The following SMARCC2 variants were observed in gnomAD, a reference collection of about 807,000 sequenced individuals.
The protein encoded by SMARCC2 is SWI/SNF related BAF chromatin remodeling complex subunit C2, also known as SWI/SNF complex subunit SMARCC2.
SMARCC2 carries 15 observed loss-of-function variants against 151.3 expected under a neutral mutation model. That is an observed-to-expected ratio of 0.10 (90% CI 0.07 to 0.15). The LOEUF is 0.15. Ranked by LOEUF, SMARCC2 falls within the 10% of genes least tolerant of loss-of-function variation. SMARCC2 has a pLI of 1.00. For missense variants in SMARCC2, 1,031 were observed against 1,599.7 expected (o/e 0.64, Z 6.06); for synonymous variants, 590 against 609.5 (o/e 0.97, Z 0.47).
Position 56,185,050 on chromosome 12 carries a change from T to C in SMARCC2, c.379A>G (p.Ile127Val), listed in dbSNP as rs758400218. Reference protein sequence around the residue: ...MDRNVEMFMTIEKSLVQNNCL... With the variant: ...MDRNVEMFMTVEKSLVQNNCL... ...ATTACCTGCACCAAGGACTTCTCAA[T>C]GGTCATAAACATTTCCACATTGCGG... Residue 127 changes from isoleucine to valine, a missense_variant, in exon 4 of 29, where the codon ATT becomes GTT. Physicochemically the swap from Ile to Val is conservative, Grantham distance 29 (BLOSUM62 3). Around this residue, in one of 12 missense-constraint regions of SMARCC2, gnomAD observed 16 missense variants for 56.0 expected, o/e 0.29. Transcript: ENST00000550164. The C allele has an allele frequency of 6.2e-6, 10 of 1,614,096 alleles. No homozygotes were observed. The highest frequency in any genetic ancestry group is 7.6e-6 in the Non-Finnish European group (9 of 1,179,966).
At chr12:56,174,852 C>T in intron 15 of SMARCC2, 88 bp from the exon 16 acceptor site, 1 of 825,794 alleles carries the variant, frequency 1.2e-6, no homozygotes, top group Non-Finnish European at 2.1e-6. Flanking sequence ...GAGCTAATGA[C>T]TTCTCCTGCA....
intron 23 of SMARCC2, 84 bp downstream of exon 23, chr12:56,170,060 G>T: frequency 6.9e-7 from 1 of 1,442,460 alleles, no homozygotes; most frequent in Non-Finnish European, 9.7e-7. Flanking sequence ...ACCAGCCCTT[G>T]CCCACCTAAG....
At chr12:56,180,398 C>T (rs542591725) in intron 11 of SMARCC2, among the ~76,000 whole-genome samples, 3 of 148,804 alleles carry the variant, frequency 2.0e-5, no homozygotes, top group African/African-American at 7.4e-5. Context: ...CATGAGCCAC[C>T]GTGCCCGGCC....
chr12:56,182,341 C>T (rs1179281338), intron 7 of SMARCC2, among the ~76,000 whole-genome samples: 2 of 148,586 alleles, frequency 1.3e-5, no homozygotes, highest in Admixed American at 6.7e-5. Flanking sequence ...TTTTTTGATA[C>T]AGAGTCTTGC....
In SMARCC2 at chr12:56,165,464, G is replaced by A; in HGVS notation, c.3086C>T (p.Ala1029Val). Residue 1029 changes from alanine (A) to valine (V), a missense_variant, in exon 27 of 29, where the codon GCT becomes GTT. Transcript: ENST00000550164. ...VAPASVVPAPAGSGAPPGSLG... is the reference protein window; with the variant it reads ...VAPASVVPAPVGSGAPPGSLG... The stretch of plus-strand genomic sequence containing the variant: ...ACTTCCTGGAGGGGCCCCACTGCCA[G>A]CAGGAGCAGGGACTACAGAGGCTGG... 2 of 1,541,668 alleles carry A rather than the reference G, an allele frequency of 1.3e-6. No individual in the cohort carries two copies. Among genetic ancestry groups the A allele is most frequent in the Non-Finnish European group, 1.7e-6 (2 of 1,144,762 alleles).
At position 56,169,661 on chromosome 12, in the gene SMARCC2, C is replaced by A; in HGVS notation, c.2583G>T (p.Gly861=). 2 of 1,614,170 alleles carry A rather than the reference C, an allele frequency of 1.2e-6. No homozygotes were observed. Among genetic ancestry groups the A allele is most frequent in the East Asian group, 2.2e-5 (1 of 44,880 alleles). The change falls in exon 25 of 29, where the codon GGG becomes GGT. Residue 861 remains glycine, a synonymous_variant. Transcript: ENST00000550164. ...DPEKEKEPKE[G]QEEVLKEVVE... is the part of the protein sequence containing the mutation. ...CCACTTCCTTCAGCACTTCCTCCTG[C>A]CCTTCCTTTGGCTCCTTCTCCTTCT...
At chr12:56,174,889 T>C (rs1041498397) in intron 15 of SMARCC2, 125 bp from the exon 16 acceptor site, 3 of 655,754 alleles carry the variant, frequency 4.6e-6, no homozygotes, top group South Asian at 1.8e-5. Context: ...AAGTAGATTA[T>C]TTGACTCTAC....
In SMARCC2 at chr12:56,178,844, T is replaced by C. The variant is rs1875547878; in HGVS notation, c.1145A>G (p.Glu382Gly). 16 of 1,614,136 alleles carry C rather than the reference T, an allele frequency of 9.9e-6. No individual in the cohort carries two copies. Among genetic ancestry groups the C allele is most frequent in the African/African-American group, 1.3e-5 (1 of 75,042 alleles). Residue 382 changes from glutamate to glycine, a missense_variant, in exon 13 of 29, where the codon GAA becomes GGA. Transcript: ENST00000550164. ...CGTCTCCATGCTTTCATCTTCCTGT[T>C]CATCTGAAAGAGAAAAACCAAGATG... is the stretch of plus-strand genomic sequence containing the variant. Reference protein sequence around the residue: ...VKGGTMTDLDEQEDESMETTG... With the variant: ...VKGGTMTDLDGQEDESMETTG...
In SMARCC2 at chr12:56,181,592, G is replaced by T; in HGVS notation, c.846C>A (p.Asn282Lys). Residue 282 changes from asparagine to lysine, a missense_variant, in exon 10 of 29, where the codon AAC (asparagine) becomes AAA (lysine). Coordinates refer to ENST00000550164, the MANE Select transcript of SMARCC2 (RefSeq NM_001330288.2). ...TGTCCCGTCGATCTGAATCTGGGCT[G>T]TTCACCTATAGGATGGAGAATCAGG... The part of the protein sequence containing the change: ...ISAKTLTDEV[N>K]SPDSDRRDKK... 1 of 1,601,300 alleles carries T rather than the reference G, an allele frequency of 6.2e-7. No individual in the cohort carries two copies. Among genetic ancestry groups the T allele is most frequent in the Non-Finnish European group, 8.5e-7 (1 of 1,172,898 alleles).
At chr12:56,165,090 T>C (rs1872536470) in intron 27 of SMARCC2, among the ~76,000 whole-genome samples, 1 of 152,252 alleles carries the variant, frequency 6.6e-6, no homozygotes, top group African/African-American at 2.4e-5. Context: ...TAGCCATTCC[T>C]TGGCACTATC....
chr12:56,171,612 C>T lies in SMARCC2; in HGVS notation c.2185+67G>A, dbSNP rs1873972094. 2 of 1,515,508 alleles carry T rather than the reference C, an allele frequency of 1.3e-6. No homozygotes were observed. Among genetic ancestry groups the T allele is most frequent in the East Asian group, 4.5e-5 (2 of 44,174 alleles). 93.9% of individuals were successfully genotyped at this position (1,515,508 alleles called of 1,614,324 possible). A position where few individuals can be genotyped will look rare whatever the true frequency, so the allele number is the denominator to read the frequency against. Reference sequence around the variant, plus strand: ...GGGCAGCCAAACTTGAGAGGATTCACAGTCTGAGTAACTAGCCCTTCAAAA... The same window carrying T: ...GGGCAGCCAAACTTGAGAGGATTCATAGTCTGAGTAACTAGCCCTTCAAAA... On this transcript the variant is annotated intron_variant, in intron 21 of 28. Coordinates refer to ENST00000550164, the MANE Select transcript of SMARCC2 (RefSeq NM_001330288.2). The surrounding 1 kb of genome is among the most constrained non-coding windows in gnomAD (Gnocchi z 4.2).
intron 11 of SMARCC2, 149 bp from the exon 12 acceptor site, chr12:56,179,205 C>A: frequency 1.5e-6 from 1 of 651,654 alleles, no homozygotes; most frequent in Non-Finnish European, 2.7e-6. Context: ...TATTCTAGGG[C>A]TTCAAACTTC....
At chr12:56,165,049 G>T (rs1345934084) in intron 27 of SMARCC2, among the ~76,000 whole-genome samples, 5 of 152,182 alleles carry the variant, frequency 3.3e-5, no homozygotes, top group Admixed American at 3.3e-4. Context: ...GCCTCCCAAA[G>T]AATAACTCAC....
chr12:56,167,980 ACACACACACACACACACACG>A, intron 26 of SMARCC2, 60 bp downstream of exon 26: 2 of 1,373,538 alleles, frequency 1.5e-6, no homozygotes, highest in African/African-American at 1.4e-5. Context: ...ACACACACAC[ACACACACACACACACACACG>A]CCCCTCCGAT....
chr12:56,165,422 T>G lies in SMARCC2; in HGVS notation c.3128A>C (p.Gln1043Pro). 1.3e-6 allele frequency: 2 copies of G among 1,511,986 alleles called. No individual in the cohort carries two copies. The highest frequency in any genetic ancestry group is 8.8e-7 in the Non-Finnish European group (1 of 1,131,888). 93.7% of individuals were successfully genotyped at this position (1,511,986 alleles called of 1,614,324 possible). A position where few individuals can be genotyped will look rare whatever the true frequency, so the allele number is the denominator to read the frequency against. Reference sequence around the variant, plus strand: ...TGCAGTTGACCCTGCCTGCCCAATCTGTTCAGAAGGGCCCAAACTTCCTGG... The same window carrying G: ...TGCAGTTGACCCTGCCTGCCCAATCGGTTCAGAAGGGCCCAAACTTCCTGG... ...APPGSLGPSE[Q>P]IGQAGSTAGP... The change falls in exon 27 of 29, where the codon CAG becomes CCG. Residue 1043 changes from glutamine (Q) to proline (P), a missense_variant. This residue lies in a region of SMARCC2 where 310 missense variants were observed against 350.0 expected (regional missense o/e 0.89). Transcript: ENST00000550164.
chr12:56,173,105 T>C (rs1165767292), intron 17 of SMARCC2, 76 bp from the exon 18 acceptor site: 4 of 1,341,994 alleles, frequency 3.0e-6, no homozygotes, highest in Non-Finnish European at 4.2e-6. Flanking sequence ...CTCAAGACCA[T>C]ATGCTGGGCG....
At chr12:56,165,218 T>TA in intron 27 of SMARCC2, 100 bp downstream of exon 27, 2 of 1,373,368 alleles carry the variant, frequency 1.5e-6, no homozygotes, top group Non-Finnish European at 1.9e-6. Flanking sequence ...AAATTGAGGC[T>TA]AACCTCATCT....
intron 15 of SMARCC2, among the ~76,000 whole-genome samples, chr12:56,177,459 C>G (rs778693191): frequency 2.0e-5 from 3 of 152,052 alleles, no homozygotes; most frequent in Non-Finnish European, 4.4e-5. Context: ...GTTGCTCATG[C>G]TATTCTTGAA....
rs527839757 is a variant in SMARCC2 at position 56,181,953 on chromosome 12, G to A, written c.708+51C>T. The A allele has an allele frequency of 3.2e-6, 5 of 1,583,054 alleles. No homozygotes were observed. In the African/African-American group the frequency reaches 6.7e-5, roughly 21 times the overall value. On this transcript the variant is annotated intron_variant, in intron 8 of 28. Coordinates refer to ENST00000550164, the MANE Select transcript of SMARCC2 (RefSeq NM_001330288.2). ...GCCTCTGTTTCACTTCCAAAGGGTA[G>A]ACTGTTCCTGGCATTCTTTTTGGGG...
Sources: gnomAD v4.1 joint callset for allele counts (sites outside exome capture counted in the v4.1 genomes callset) on GRCh38, gnomAD v4.1.1 for gene constraint, gnomAD v4.1.1 regional missense constraint, Gnocchi (gnomAD v3.1) non-coding constraint, MANE v1.5 for transcripts, NCBI Gene and HGNC (gene_info 2026-07-23, HGNC 2026-07-21) for gene names.